SNX27: variants seen among roughly 807,000 people sequenced by gnomAD.
SNX27 encodes the protein sorting nexin 27.
A neutral mutation model predicts 71.6 loss-of-function variants in SNX27; 22 were observed. The observed-to-expected ratio is 0.31, with a 90% CI of 0.22 to 0.44. The LOEUF (loss-of-function observed/expected upper bound fraction) is 0.44. Ranked by LOEUF, SNX27 falls within the 20% of genes least tolerant of loss-of-function variation. SNX27 has a pLI of 1.00. For missense variants in SNX27, 531 were observed against 698.6 expected (o/e 0.76, Z 2.70); for synonymous variants, 269 against 277.2 (o/e 0.97, Z 0.29).
chr1:151,668,895 C>T (rs2102696191), intron 7 of SNX27, among the ~76,000 whole-genome samples: 1 of 152,174 alleles, frequency 6.6e-6, no homozygotes, highest in South Asian at 2.1e-4. Flanking sequence ...AGCATTGTGG[C>T]TGTGTACCTG....
At chr1:151,641,874 GATAT>G (rs1303750960) in intron 2 of SNX27, among the ~76,000 whole-genome samples, 2 of 128,082 alleles carry the variant, frequency 1.6e-5, no homozygotes, top group Admixed American at 8.1e-5. Context: ...AGATATATAT[GATAT>G]ATATATCAGC....
In SNX27 at chr1:151,688,522, C is replaced by T. The variant is rs191519987; in HGVS notation, c.1240-3913C>T. Among the ~76,000 whole-genome samples the T allele has an allele frequency of 9.7e-3, 1,472 of 151,682 alleles. 12 individuals carry two copies. Among genetic ancestry groups the T allele is most frequent in the Non-Finnish European group, 0.016 (1,056 of 67,928 alleles). On this transcript the variant is annotated intron_variant, in intron 8 of 11. Coordinates refer to ENST00000458013, the MANE Select transcript of SNX27 (RefSeq NM_001330723.2). ...GGGTGCACGCCTATAATCCCAGCTA[C>T]TCAGGAGGCTGAGGCAGGAGAATTG...
intron 1 of SNX27, chr1:151,615,663 T>C: frequency 1.0e-6 from 1 of 982,410 alleles, no homozygotes; most frequent in Non-Finnish European, 1.2e-6. Context: ...GTGGATATAG[T>C]TTGTATCAAG....
At chr1:151,634,181 T>C (rs148741029) in intron 1 of SNX27, among the ~76,000 whole-genome samples, 1 of 152,356 alleles carries the variant, frequency 6.6e-6, no homozygotes, top group Admixed American at 6.5e-5. Flanking sequence ...AGCCATTGTG[T>C]AGGCATATAG....
chr1:151,696,514 G>GTTCTTTCTTTCTTTCTTTCT lies in SNX27; in HGVS notation c.*2104_*2105insTTTCTTTCTTTCTTTCTTTC, dbSNP rs1334876785. 8.4e-6 allele frequency: 1 copy of GTTCTTTCTTTCTTTCTTTCT among 118,666 alleles called. No individual in the cohort carries two copies. 7.4% of individuals were successfully genotyped at this position (118,666 alleles called of 1,614,324 possible). A position where few individuals can be genotyped will look rare whatever the true frequency, so the allele number is the denominator to read the frequency against. On this transcript the variant is annotated 3_prime_UTR_variant, in exon 12 of 12. Coordinates refer to ENST00000458013, the MANE Select transcript of SNX27 (RefSeq NM_001330723.2). ...CTTTCTTTCTTTCTTTCGTTCTTTC[G>GTTCTTTCTTTCTTTCTTTCT]TTCTTTCGTTCTTTCTTTCTTTCTT... is the stretch of plus-strand genomic sequence containing the variant.
rs188577493 is a variant in SNX27 at position 151,638,861 on chromosome 1, A to G, written c.312-27A>G. On this transcript the variant is annotated intron_variant, in intron 1 of 11. Coordinates refer to ENST00000458013, the MANE Select transcript of SNX27 (RefSeq NM_001330723.2). ...TGTTTGGACCCTTCTGGTTTATGGGATTGTCTTTTTCCCTTTTTCCCCTTA... is the reference window on the plus strand; with the variant it reads ...TGTTTGGACCCTTCTGGTTTATGGGGTTGTCTTTTTCCCTTTTTCCCCTTA... 1.2e-4 allele frequency: 192 copies of G among 1,610,546 alleles called. 1 individual carries two copies. In the East Asian group the frequency reaches 3.9e-3, roughly 33 times the overall value.
rs772249706 is a variant in SNX27, at chr1:151,612,308, G to C, written c.107G>C (p.Gly36Ala). ...SGLHCAGNGG[G>A]GGGGPRVVRI... The stretch of plus-strand genomic sequence containing the variant: ...CTCCACTGCGCCGGGAACGGCGGCG[G>C]GGGAGGCGGCGGCCCGCGGGTCGTG... Residue 36 changes from glycine to alanine, a missense_variant, in exon 1 of 12, where the codon GGG (glycine) becomes GCG (alanine). Physicochemically the swap from Gly to Ala is moderately conservative, Grantham distance 60. Coordinates refer to ENST00000458013, the MANE Select transcript of SNX27 (RefSeq NM_001330723.2). The surrounding 1 kb of genome is among the most constrained non-coding windows in gnomAD (Gnocchi z 5.2). The C allele has an allele frequency of 7.9e-6, 12 of 1,520,234 alleles. No individual in the cohort carries two copies. In the East Asian group the frequency reaches 1.6e-4, roughly 21 times the overall value. The allele number at this position is 1,520,234 out of a possible 1,614,324, so 94.2% of individuals were successfully genotyped here.
chr1:151,665,793 T>G, intron 5 of SNX27, 140 bp from the exon 6 acceptor site: 1 of 576,352 alleles, frequency 1.7e-6, no homozygotes, highest in South Asian at 2.4e-5. Flanking sequence ...AGGATAGCTA[T>G]GGACCATTAA....
chr1:151,617,348 G>A (rs373559106), intron 1 of SNX27, among the ~76,000 whole-genome samples: 3 of 151,928 alleles, frequency 2.0e-5, no homozygotes, highest in Non-Finnish European at 4.4e-5. Flanking sequence ...GTGCGATCTC[G>A]GCTCACTGCA....
intron 8 of SNX27, among the ~76,000 whole-genome samples, chr1:151,686,224 C>T (rs188966979): frequency 1.3e-5 from 2 of 152,318 alleles, no homozygotes; most frequent in Non-Finnish European, 2.9e-5. Context: ...ATTCCAAACA[C>T]ACTATCTTTC....
chr1:151,673,079 T>C (rs927100686), intron 7 of SNX27, among the ~76,000 whole-genome samples: 4 of 151,588 alleles, frequency 2.6e-5, no homozygotes, highest in Admixed American at 6.6e-5. Flanking sequence ...AATTTTTGTC[T>C]TTTTTTTGAT....
intron 7 of SNX27, among the ~76,000 whole-genome samples, chr1:151,673,241 A>ATATT (rs1164584454): frequency 6.6e-6 from 1 of 152,030 alleles, no homozygotes; most frequent in Non-Finnish European, 1.5e-5. Flanking sequence ...ATTCAGGAGT[A>ATATT]TATTGTTTAA....
In SNX27 at chr1:151,642,677, C is replaced by T. The variant is rs184091071; in HGVS notation, c.543+3558C>T. ...TTTTTGAGATGGAGTCTTGCTCTGT[C>T]ACCCAGGCTGGAGTGCAGTGGCGCA... On this transcript the variant is annotated intron_variant, in intron 2 of 11. Coordinates refer to ENST00000458013, the MANE Select transcript of SNX27 (RefSeq NM_001330723.2). 7.6e-4 allele frequency among the ~76,000 whole-genome samples: 116 copies of T among 152,008 alleles called. 2 individuals are homozygous for T. The East Asian group carries it at 0.015, about 19-fold the overall frequency.
Position 151,693,495 on chromosome 1 carries a change from C to G in SNX27, c.1578+12C>G. ...AGTGGAGAAAAGAGGTAATTCTGAACAGTCCTTGAATTGACCTTTTCATCT... is the reference window on the plus strand; with the variant it reads ...AGTGGAGAAAAGAGGTAATTCTGAAGAGTCCTTGAATTGACCTTTTCATCT... On this transcript the variant is annotated intron_variant, in intron 11 of 11. Transcript: ENST00000458013. The G allele has an allele frequency of 1.9e-6, 3 of 1,613,980 alleles. No homozygotes were observed. Among genetic ancestry groups the G allele is most frequent in the Non-Finnish European group, 2.5e-6 (3 of 1,179,872 alleles).
At position 151,681,981 on chromosome 1, in the gene SNX27, TA is replaced by T. The variant is rs371887922; in HGVS notation, c.1150-1373del. On this transcript the variant is annotated intron_variant, in intron 7 of 11. Transcript: ENST00000458013. ...GGGGATCCACCTAAGGCTTCCCTGATAACTGTAATTATCAATAAGTGCTTCC... is the reference window on the plus strand; with the variant it reads ...GGGGATCCACCTAAGGCTTCCCTGATACTGTAATTATCAATAAGTGCTTCC... Among the ~76,000 whole-genome samples the T allele has an allele frequency of 3.9e-4, 59 of 152,368 alleles. No individual in the cohort carries two copies. The East Asian group carries it at 7.7e-3, about 20-fold the overall frequency.
At chr1:151,613,830 C>G (rs929912735) in intron 1 of SNX27, 4 of 152,246 alleles carry the variant, frequency 2.6e-5, no homozygotes, top group African/African-American at 9.7e-5. Context: ...TTCTCCTCAG[C>G]AGTCTTCAGT....
intron 1 of SNX27, among the ~76,000 whole-genome samples, chr1:151,621,036 G>A (rs181814634): frequency 1.5e-4 from 23 of 152,282 alleles, no homozygotes; most frequent in African/African-American, 5.5e-4. Context: ...CATACAGCAT[G>A]TTGGGAGCTG....
rs1004474426 is a variant in SNX27, at chr1:151,695,000, C to A, written c.*583C>A. Reference sequence around the variant, plus strand: ...GCATTTTACAGGGAAAAATACCTCTCCTCATGAAGGACTTGAAAAGTTTAC... The same window carrying A: ...GCATTTTACAGGGAAAAATACCTCTACTCATGAAGGACTTGAAAAGTTTAC... On this transcript the variant is annotated 3_prime_UTR_variant, in exon 12 of 12. Transcript: ENST00000458013. 1 of 152,612 alleles carries A rather than the reference C, an allele frequency of 6.6e-6. No individual in the cohort carries two copies. Among genetic ancestry groups the A allele is most frequent in the Non-Finnish European group, 1.5e-5 (1 of 68,044 alleles). The allele number at this position is 152,612 out of a possible 1,614,324, so 9.5% of individuals were successfully genotyped here.
At chr1:151,673,212 C>T (rs1398855492) in intron 7 of SNX27, among the ~76,000 whole-genome samples, 1 of 151,968 alleles carries the variant, frequency 6.6e-6, no homozygotes, top group Non-Finnish European at 1.5e-5. Context: ...TTCTCAATTT[C>T]TCCATTGACC....
Sources: allele counts gnomAD v4.1 joint callset (sites outside exome capture counted in the v4.1 genomes callset), GRCh38; gene constraint gnomAD v4.1.1; non-coding constraint Gnocchi (gnomAD v3.1); transcripts MANE v1.5; gene names NCBI Gene and HGNC (gene_info 2026-07-23, HGNC 2026-07-21).